Variants in SORL1 observed in about 807,000 individuals in gnomAD.
SORL1 encodes sortilin-related receptor.
In SORL1, 127 loss-of-function variants were observed where a neutral mutation model predicts 273.7. The ratio of observed to expected loss-of-function variants is 0.46; its 90% CI spans 0.40 to 0.54. The LOEUF is 0.54. Ranked by LOEUF, SORL1 falls within the 20% of genes least tolerant of loss-of-function variation. The pLI is 0.00. For synonymous variants in SORL1, 1,031 were observed against 1,067.4 expected (o/e 0.97, Z 0.66); for missense variants, 2,494 against 2,846.1 (o/e 0.88, Z 2.81).
chr11:121,551,083 A>G (rs1429915003), intron 16 of SORL1, among the ~76,000 whole-genome samples: 1 of 152,254 alleles, frequency 6.6e-6, no homozygotes, highest in Non-Finnish European at 1.5e-5. Flanking sequence ...AACTGTAACT[A>G]AAATTTTAAT....
chr11:121,611,061 C>T lies in SORL1; in HGVS notation c.5240-15C>T, dbSNP rs1030447798. ...ATCACGTGGCTTCTGTTTTTGAATT[C>T]CTTTTTGTTTTCAGTGATCCCACCA... is the stretch of plus-strand genomic sequence containing the variant. On this transcript the variant is annotated splice_polypyrimidine_tract_variant and intron_variant, in intron 38 of 47. Transcript: ENST00000260197. The T allele has an allele frequency of 2.5e-6, 4 of 1,598,058 alleles. No individual in the cohort carries two copies. Among genetic ancestry groups the T allele is most frequent in the Admixed American group, 3.3e-5 (2 of 59,872 alleles).
At chr11:121,519,571 T>C (rs1448981541) in intron 8 of SORL1, among the ~76,000 whole-genome samples, 2 of 152,210 alleles carry the variant, frequency 1.3e-5, no homozygotes, top group African/African-American at 2.4e-5. Flanking sequence ...CCTTGCTATA[T>C]GTACAGTTTC....
intron 3 of SORL1, among the ~76,000 whole-genome samples, chr11:121,481,899 G>C (rs1163587789): frequency 7.0e-6 from 1 of 143,308 alleles, no homozygotes; most frequent in African/African-American, 2.7e-5. Context: ...CTCCTCCCCA[G>C]CTCCTCCCCT....
chr11:121,582,303 T>A (rs2134945157), intron 25 of SORL1, among the ~76,000 whole-genome samples: 1 of 152,386 alleles, frequency 6.6e-6, no homozygotes, highest in South Asian at 2.1e-4. Context: ...CTCAGTTGAA[T>A]AGAAAACTAT....
intron 12 of SORL1, among the ~76,000 whole-genome samples, chr11:121,539,052 T>A (rs567575114): frequency 6.6e-6 from 1 of 152,354 alleles, no homozygotes; most frequent in South Asian, 2.1e-4. Context: ...TCCAGATCCC[T>A]ATCCAGATCA....
At chr11:121,525,086 C>G (rs566370108) in intron 11 of SORL1, among the ~76,000 whole-genome samples, 2 of 152,234 alleles carry the variant, frequency 1.3e-5, no homozygotes, top group African/African-American at 4.8e-5. Flanking sequence ...TCACCCTCCC[C>G]GAGGTATCTT....
intron 12 of SORL1, among the ~76,000 whole-genome samples, chr11:121,543,084 G>A (rs1371675669): frequency 1.3e-5 from 2 of 150,604 alleles, no homozygotes; most frequent in Non-Finnish European, 3.0e-5. Context: ...CCAGCTACTC[G>A]GGAGGCTGAG....
Position 121,452,776 on chromosome 11 carries a change from T to A in SORL1, c.285+160T>A. 1 of 557,132 alleles carries A rather than the reference T, an allele frequency of 1.8e-6. No homozygotes were observed. The highest frequency in any genetic ancestry group is 2.9e-6 in the Non-Finnish European group (1 of 339,798). The allele number at this position is 557,132 out of a possible 1,614,324, so 34.5% of individuals were successfully genotyped here. A position where few individuals can be genotyped will look rare whatever the true frequency, so the allele number is the denominator to read the frequency against. On this transcript the variant is annotated intron_variant, in intron 1 of 47. Transcript: ENST00000260197. The surrounding 1 kb of genome is among the most constrained non-coding windows in gnomAD (Gnocchi z 5.3). ...CCTTCACGAGTACAACCGTCAGCACTTGAATCGCATTGATCTTTCCTTCTT... is the reference window on the plus strand; with the variant it reads ...CCTTCACGAGTACAACCGTCAGCACATGAATCGCATTGATCTTTCCTTCTT...
intron 44 of SORL1, 34 bp downstream of exon 44, chr11:121,621,272 C>T: frequency 1.3e-6 from 2 of 1,589,782 alleles, no homozygotes; most frequent in Admixed American, 1.7e-5. Context: ...TCTTCTCACA[C>T]AGCCTGCCCT....
intron 3 of SORL1, among the ~76,000 whole-genome samples, chr11:121,484,301 C>T (rs138437138): frequency 1.6e-4 from 24 of 152,246 alleles, no homozygotes; most frequent in African/African-American, 5.5e-4. Flanking sequence ...TCAATCAAAC[C>T]TGGTATCACC....
At chr11:121,476,708 C>A in intron 2 of SORL1, among the ~76,000 whole-genome samples, 1 of 147,898 alleles carries the variant, frequency 6.8e-6, no homozygotes, top group South Asian at 2.2e-4. Context: ...CCCTCCCTTC[C>A]TCCCTCTCTC....
chr11:121,493,308 G>A (rs1861582977), intron 5 of SORL1, among the ~76,000 whole-genome samples: 1 of 152,100 alleles, frequency 6.6e-6, no homozygotes, highest in Non-Finnish European at 1.5e-5. Context: ...CCAGGCTGGA[G>A]TGTAGTAGCG....
At chr11:121,472,278 T>C (rs1414442771) in intron 2 of SORL1, among the ~76,000 whole-genome samples, 2 of 152,226 alleles carry the variant, frequency 1.3e-5, no homozygotes, top group Non-Finnish European at 2.9e-5. Context: ...CTATACTGTG[T>C]TGAGAAATCC....
chr11:121,502,397 A>G (rs1289261233), intron 6 of SORL1, among the ~76,000 whole-genome samples: 4 of 152,034 alleles, frequency 2.6e-5, no homozygotes, highest in Non-Finnish European at 5.9e-5. Flanking sequence ...CGGACTCCCA[A>G]AGTGCTGGGA....
chr11:121,475,869 CATTT>C (rs1306474749), intron 2 of SORL1, among the ~76,000 whole-genome samples: 28 of 152,298 alleles, frequency 1.8e-4, no homozygotes, highest in African/African-American at 6.0e-4. Flanking sequence ...CTTTTCTATT[CATTT>C]ATTTATCACA....
chr11:121,574,260 G>A lies in SORL1; in HGVS notation c.3357G>A (p.Leu1119=). ...TTTTAGCTACCACCATCTGTGACCTGGACACCCAGTTTCGTTGCCAGGAGT... is the reference window on the plus strand; with the variant it reads ...TTTTAGCTACCACCATCTGTGACCTAGACACCCAGTTTCGTTGCCAGGAGT... ...ERNCPTTICD[L]DTQFRCQESG... is the part of the protein sequence containing the mutation. The change falls in exon 24 of 48, where the codon CTG becomes CTA. Residue 1119 remains leucine (L), a synonymous_variant. Transcript: ENST00000260197. The A allele has an allele frequency of 6.2e-7, 1 of 1,613,782 alleles. No individual in the cohort carries two copies. The highest frequency in any genetic ancestry group is 1.3e-5 in the African/African-American group (1 of 75,020).
intron 32 of SORL1, among the ~76,000 whole-genome samples, chr11:121,597,460 T>TA (rs1282712406): frequency 6.6e-6 from 1 of 151,966 alleles, no homozygotes; most frequent in Non-Finnish European, 1.5e-5. Context: ...TTGTTTGTTT[T>TA]TTTTTTTTTT....
chr11:121,606,863 A>G lies in SORL1; in HGVS notation c.4967A>G (p.Asn1656Ser), dbSNP rs1258904021. 6.2e-7 allele frequency: 1 copy of G among 1,613,974 alleles called. No individual in the cohort carries two copies. The highest frequency in any genetic ancestry group is 1.1e-5 in the South Asian group (1 of 91,086). ...TTTCTAGTGCCAGATGCCCCTCGAA[A>G]TCTCCAGCTGTCACTCCCCAGGGAA... Reference protein sequence around the residue: ...TPEGLPDAPRNLQLSLPREAE... With the variant: ...TPEGLPDAPRSLQLSLPREAE... The change falls in exon 36 of 48, where the codon AAT (asparagine) becomes AGT (serine). Residue 1656 changes from asparagine (N) to serine (S), a missense_variant. Asn to Ser is a conservative substitution (Grantham distance 46, BLOSUM62 1). Around this residue, in one of 3 missense-constraint regions of SORL1, gnomAD observed 1,609 missense variants for 1,816.4 expected, o/e 0.89. Transcript: ENST00000260197.
intron 24 of SORL1, among the ~76,000 whole-genome samples, chr11:121,575,674 C>T (rs536332149): frequency 6.6e-6 from 1 of 152,320 alleles, no homozygotes; most frequent in East Asian, 1.9e-4. Flanking sequence ...TAAAAAATTC[C>T]CAGTTTTCCT....
Sources: gnomAD v4.1 joint callset for allele counts (sites outside exome capture counted in the v4.1 genomes callset) on GRCh38, gnomAD v4.1.1 for gene constraint, gnomAD v4.1.1 regional missense constraint, Gnocchi (gnomAD v3.1) non-coding constraint, MANE v1.5 for transcripts, NCBI Gene and HGNC (gene_info 2026-07-23, HGNC 2026-07-21) for gene names.